Variants in BBS9 observed in about 807,000 individuals in gnomAD.
The protein encoded by BBS9 is protein PTHB1.
In BBS9, 89 loss-of-function variants were observed where a neutral mutation model predicts 117.7. The observed-to-expected ratio is 0.76, with a 90% CI of 0.64 to 0.90. The LOEUF is 0.90. BBS9 is among the 40% of genes least tolerant of loss of function. The pLI, the probability that BBS9 is intolerant of heterozygous loss-of-function variation, is 0.00. For synonymous variants in BBS9, 379 were observed against 370.9 expected, an observed-to-expected ratio of 1.02 and a Z score of -0.25; for missense variants, 982 against 1,042.2, an observed-to-expected ratio of 0.94 and a Z score of 0.80.
intron 19 of BBS9, among the ~76,000 whole-genome samples, chr7:33,401,341 G>A (rs1315972211): frequency 6.6e-6 from 1 of 152,170 alleles, no homozygotes; most frequent in Non-Finnish European, 1.5e-5. Context: ...TCTGCCTGTT[G>A]ACAAAAAGAA....
chr7:33,405,122 G>A (rs1280563394), intron 19 of BBS9, among the ~76,000 whole-genome samples: 2 of 150,906 alleles, frequency 1.3e-5, no homozygotes, highest in African/African-American at 2.4e-5. Flanking sequence ...TTTGTCTTTG[G>A]TTCTGTTTGT....
chr7:33,201,404 A>G (rs1785833828), intron 5 of BBS9, among the ~76,000 whole-genome samples: 2 of 151,392 alleles, frequency 1.3e-5, no homozygotes, highest in South Asian at 2.1e-4. Flanking sequence ...TATTATTCCA[A>G]TTTTAGTATA....
chr7:33,428,397 A>G lies in BBS9; in HGVS notation c.2115+40253A>G, dbSNP rs1424226096. On this transcript the variant is annotated intron_variant, in intron 19 of 22. Coordinates refer to ENST00000242067, the MANE Select transcript of BBS9 (RefSeq NM_198428.3). ...TAGACCCACCCTTATTGACAGTTCC[A>G]ATATAGATAAAATGGATTACTGCAC... Among the ~76,000 whole-genome samples the G allele has an allele frequency of 2.0e-5, 3 of 152,162 alleles. No homozygotes were observed. In the East Asian group the frequency reaches 5.8e-4, roughly 29 times the overall value.
chr7:33,573,051 C>A (rs1858094288), intron 21 of BBS9, among the ~76,000 whole-genome samples: 20 of 151,942 alleles, frequency 1.3e-4, no homozygotes, highest in Admixed American at 1.3e-3. Flanking sequence ...CTCTTTCTTT[C>A]TTGTAATTTT....
rs554942829 is a variant in BBS9 at position 33,357,728 on chromosome 7, G to T, written c.1553-127G>T. On this transcript the variant is annotated intron_variant, in intron 15 of 22. Transcript: ENST00000242067. ...AATAATTTACAGTTATTTCAGCTTT[G>T]TTAAGCAAAATAGGCAGGCAACAAG... 78 of 959,582 alleles carry T rather than the reference G, an allele frequency of 8.1e-5. No homozygotes were observed. In the South Asian group the frequency reaches 9.7e-4, roughly 12 times the overall value. 59.4% of individuals were successfully genotyped at this position (959,582 alleles called of 1,614,324 possible).
At chr7:33,231,030 T>C (rs1190495320) in intron 5 of BBS9, among the ~76,000 whole-genome samples, 1 of 152,210 alleles carries the variant, frequency 6.6e-6, no homozygotes, top group Non-Finnish European at 1.5e-5. Flanking sequence ...CTAATTTATA[T>C]TCCCACCAGC....
At chr7:33,236,940 G>A (rs762973223) in intron 5 of BBS9, among the ~76,000 whole-genome samples, 3 of 151,964 alleles carry the variant, frequency 2.0e-5, no homozygotes, top group South Asian at 2.1e-4. Context: ...TACAATTTGT[G>A]TTTTACACAT....
chr7:33,357,054 T>C (rs1819724396), intron 15 of BBS9, among the ~76,000 whole-genome samples: 1 of 151,812 alleles, frequency 6.6e-6, no homozygotes, highest in Non-Finnish European at 1.5e-5. Flanking sequence ...CTAATTTGCT[T>C]TGGTTTCAAT....
intron 19 of BBS9, among the ~76,000 whole-genome samples, chr7:33,501,812 G>C (rs894369235): frequency 6.6e-6 from 1 of 152,190 alleles, no homozygotes; most frequent in Non-Finnish European, 1.5e-5. Context: ...ACAGAGTTAA[G>C]TGAATGCTTT....
intron 19 of BBS9, among the ~76,000 whole-genome samples, chr7:33,488,880 A>G (rs1055701684): frequency 7.9e-5 from 12 of 151,962 alleles, no homozygotes; most frequent in East Asian, 1.9e-4. Context: ...TAGTTTTCAT[A>G]TGAGGGAATA....
At chr7:33,407,079 C>T (rs553948703) in intron 19 of BBS9, among the ~76,000 whole-genome samples, 28 of 152,268 alleles carry the variant, frequency 1.8e-4, no homozygotes, top group African/African-American at 5.5e-4. Flanking sequence ...ACCAATCAGA[C>T]GTAGATTTGG....
chr7:33,261,406 A>G (rs1168254691), intron 6 of BBS9, among the ~76,000 whole-genome samples: 1 of 152,238 alleles, frequency 6.6e-6, no homozygotes, highest in Non-Finnish European at 1.5e-5. Flanking sequence ...TGAAAAGTGT[A>G]TAAAGAAAGC....
chr7:33,400,183 G>C (rs548700430), intron 19 of BBS9, among the ~76,000 whole-genome samples: 1 of 151,824 alleles, frequency 6.6e-6, no homozygotes, highest in South Asian at 2.1e-4. Context: ...GAAGTAATCA[G>C]TGTGTCCCCT....
At chr7:33,312,592 A>G (rs1478932641) in intron 9 of BBS9, among the ~76,000 whole-genome samples, 2 of 152,174 alleles carry the variant, frequency 1.3e-5, no homozygotes, top group Admixed American at 6.5e-5. Flanking sequence ...CAAAGGCCTT[A>G]TGCACCTTTC....
chr7:33,150,787 G>A (rs1393707908), intron 2 of BBS9, among the ~76,000 whole-genome samples: 2 of 152,162 alleles, frequency 1.3e-5, no homozygotes, highest in Admixed American at 1.3e-4. Context: ...GATGTATGCA[G>A]CAACATCAAG....
chr7:33,411,953 T>C (rs1045519783), intron 19 of BBS9, among the ~76,000 whole-genome samples: 1 of 152,160 alleles, frequency 6.6e-6, no homozygotes, highest in Non-Finnish European at 1.5e-5. Flanking sequence ...ATGGTAGTCA[T>C]TTACCATTGA....
chr7:33,391,645 C>A (rs1023686972), intron 19 of BBS9, among the ~76,000 whole-genome samples: 3 of 152,060 alleles, frequency 2.0e-5, no homozygotes, highest in African/African-American at 7.2e-5. Context: ...TGTTAATTGG[C>A]CATTTGTATT....
At chr7:33,401,160 T>C (rs1407742159) in intron 19 of BBS9, among the ~76,000 whole-genome samples, 1 of 152,226 alleles carries the variant, frequency 6.6e-6, no homozygotes, top group Non-Finnish European at 1.5e-5. Context: ...TAGGACTGGC[T>C]TCTAGCCCAT....
At chr7:33,619,656 A>G (rs1233647503) in intron 21 of BBS9, among the ~76,000 whole-genome samples, 1 of 152,192 alleles carries the variant, frequency 6.6e-6, no homozygotes, top group African/African-American at 2.4e-5. Flanking sequence ...AATATTAAGT[A>G]TCTTCTTTTA....
Sources: allele counts gnomAD v4.1 joint callset (sites outside exome capture counted in the v4.1 genomes callset), GRCh38; gene constraint gnomAD v4.1.1; transcripts MANE v1.5; gene names NCBI Gene and HGNC (gene_info 2026-07-23, HGNC 2026-07-21).